The following NAF1 variants were observed in gnomAD, a reference collection of about 807,000 sequenced individuals.
The protein encoded by NAF1 is nuclear assembly factor 1 ribonucleoprotein.
A neutral mutation model predicts 40.6 loss-of-function variants in NAF1; 11 were observed. The observed-to-expected ratio is 0.27, with a 90% confidence interval of 0.17 to 0.45. The LOEUF (loss-of-function observed/expected upper bound fraction) is 0.45, where lower values mean the gene tolerates loss of function less well. Ranked by LOEUF, NAF1 falls within the 20% of genes least tolerant of loss-of-function variation. NAF1 has a pLI of 1.00. For synonymous variants in NAF1, 260 were observed against 228.5 expected, an observed-to-expected ratio of 1.14 and a Z score of -1.24; for missense variants, 607 against 611.1, an observed-to-expected ratio of 0.99 and a Z score of 0.07.
chr4:163,160,503 C>T (rs1331810787), intron 2 of NAF1, among the ~76,000 whole-genome samples: 1 of 152,182 alleles, frequency 6.6e-6, no homozygotes, highest in African/African-American at 2.4e-5. Context: ...ACCTAAAGAT[C>T]TGCATTGTAC....
At chr4:163,125,631 C>T (rs1210731646), downstream of NAF1, among the ~76,000 whole-genome samples, 1 of 152,146 alleles carries the variant, frequency 6.6e-6, no homozygotes, top group Non-Finnish European at 1.5e-5. Context: ...AGGAAAGAAG[C>T]CATCTCCATA....
At chr4:163,148,692 T>C (rs772698867) in intron 2 of NAF1, among the ~76,000 whole-genome samples, 26 of 152,198 alleles carry the variant, frequency 1.7e-4, no homozygotes, top group Non-Finnish European at 3.1e-4. Flanking sequence ...ACATAAGTAC[T>C]ATTCTACATT....
At chr4:163,110,780 A>C (rs1166171775) in intron 2 of NAF1, among the ~76,000 whole-genome samples, 2 of 152,108 alleles carry the variant, frequency 1.3e-5, no homozygotes, top group Non-Finnish European at 2.9e-5. Flanking sequence ...TTTAACTCAA[A>C]ATTGATGAGC....
At chr4:163,158,166 TTATC>T (rs1732068833) in intron 2 of NAF1, 1 of 152,010 alleles carries the variant, frequency 6.6e-6, no homozygotes, top group Admixed American at 6.6e-5. Context: ...TGGGATGAAA[TTATC>T]TAACCACTTT....
intron 6 of NAF1, among the ~76,000 whole-genome samples, chr4:163,134,864 C>T (rs777698847): frequency 1.1e-4 from 16 of 152,096 alleles, no homozygotes; most frequent in Non-Finnish European, 2.2e-4. Context: ...CCTTATTGTG[C>T]CATTTTAAAT....
Position 163,129,307 on chromosome 4 carries a change from T to G in NAF1, c.1075A>C (p.Ser359Arg). The change falls in exon 8 of 8, where the codon AGC (serine) becomes CGC (arginine). Residue 359 changes from serine (S) to arginine (R), a missense_variant. Physicochemically the swap from Ser to Arg is moderately radical, Grantham distance 110 (BLOSUM62 -1). Around this residue, in one of 3 missense-constraint regions of NAF1, gnomAD observed 189 missense variants for 216.6 expected, o/e 0.87. Transcript: ENST00000274054. Reference sequence around the variant, plus strand: ...CCTTTTGCATGCTCTGAAGCAGAGCTATGAGCATTCCAATTCTGATGTACT... The same window carrying G: ...CCTTTTGCATGCTCTGAAGCAGAGCGATGAGCATTCCAATTCTGATGTACT... The part of the protein sequence containing the change: ...TEVHQNWNAH[S>R]SASEHAKGYR... The G allele has an allele frequency of 6.2e-7, 1 of 1,613,782 alleles. No individual in the cohort carries two copies. The highest frequency in any genetic ancestry group is 1.6e-4 in the Middle Eastern group (1 of 6,062).
chr4:163,155,103 T>C (rs527286815), intron 2 of NAF1, among the ~76,000 whole-genome samples: 34 of 152,366 alleles, frequency 2.2e-4, no homozygotes, highest in South Asian at 1.9e-3. Flanking sequence ...ATTTTTGTTT[T>C]GATGTATGAA....
chr4:163,151,580 C>T (rs1356006011), intron 2 of NAF1, among the ~76,000 whole-genome samples: 4 of 152,060 alleles, frequency 2.6e-5, no homozygotes, highest in African/African-American at 9.7e-5. Context: ...AATCTCCATT[C>T]AATTTCACTG....
chr4:163,151,755 C>A (rs1391722108), intron 2 of NAF1, among the ~76,000 whole-genome samples: 1 of 151,994 alleles, frequency 6.6e-6, no homozygotes, highest in Non-Finnish European at 1.5e-5. Context: ...CACTTCAGAA[C>A]TATTTTGTCA....
At chr4:163,139,707 G>GT (rs1315230090) in intron 5 of NAF1, among the ~76,000 whole-genome samples, 3 of 151,934 alleles carry the variant, frequency 2.0e-5, no homozygotes, top group Admixed American at 1.3e-4. Context: ...TCCATACACC[G>GT]TAACTTTCTA....
chr4:163,133,419 A>G (rs1730945452), intron 6 of NAF1, 163 bp from the exon 7 acceptor site: 3 of 547,832 alleles, frequency 5.5e-6, no homozygotes, highest in Non-Finnish European at 9.6e-6. Context: ...GACATGGTAT[A>G]AAAATAAAGC....
Position 163,133,137 on chromosome 4 carries a change from A to G in NAF1, c.1033+17T>C, listed in dbSNP as rs1730932391. 1.9e-6 allele frequency: 3 copies of G among 1,571,622 alleles called. No homozygotes were observed. The East Asian group carries it at 6.7e-5, about 35-fold the overall frequency. On this transcript the variant is annotated intron_variant, in intron 7 of 7. Coordinates refer to ENST00000274054, the MANE Select transcript of NAF1 (RefSeq NM_138386.3). ...AAATGAAGATAAAGAACGAGTATAT[A>G]TATTGTATTCACTCACCAGGCTCAT...
At chr4:163,152,945 C>T (rs564030371) in intron 2 of NAF1, among the ~76,000 whole-genome samples, 1 of 152,326 alleles carries the variant, frequency 6.6e-6, no homozygotes, top group African/African-American at 2.4e-5. Flanking sequence ...TCAGAGCAGC[C>T]GGCCAGCCCT....
chr4:163,117,983 G>A (rs1159661893), intron 2 of NAF1, among the ~76,000 whole-genome samples: 2 of 151,790 alleles, frequency 1.3e-5, no homozygotes, highest in Non-Finnish European at 2.9e-5. Flanking sequence ...GAGGTGATAG[G>A]GTCCTCTCAA....
At chr4:163,127,187 T>C (rs1368274136), downstream of NAF1, 57 of 1,489,578 alleles carry the variant, frequency 3.8e-5, no homozygotes, top group South Asian at 5.4e-5. Flanking sequence ...TGGAGTGCAA[T>C]GGTGTGATCT....
chr4:163,107,058 C>G (rs1275956555), downstream of NAF1, among the ~76,000 whole-genome samples: 1 of 151,954 alleles, frequency 6.6e-6, no homozygotes, highest in African/African-American at 2.4e-5. Context: ...GCAATCTCGG[C>G]TCACTGCAAC....
chr4:163,126,992 A>T (rs776968730), downstream of NAF1: 11 of 1,551,034 alleles, frequency 7.1e-6, no homozygotes, highest in African/African-American at 1.4e-5. Flanking sequence ...TTGCATACTT[A>T]ATAAACTAAA....
chr4:163,129,343 C>A lies in NAF1; in HGVS notation c.1039G>T (p.Asp347Tyr), dbSNP rs1393343968. Residue 347 changes from aspartate (D) to tyrosine (Y), a missense_variant, in exon 8 of 8, where the codon GAT (aspartate) becomes TAT (tyrosine). By Grantham distance (160) the Asp-to-Tyr change is radical. Coordinates refer to ENST00000274054, the MANE Select transcript of NAF1 (RefSeq NM_138386.3). ...CAATTCTGATGTACTTCAGTAAAAT[C>A]TTCACCTTTGAGTGAGGGGAGGGAA... is the stretch of plus-strand genomic sequence containing the variant. ...LKSEFNEPGEDFTEVHQNWNA... is the reference protein window; with the variant it reads ...LKSEFNEPGEYFTEVHQNWNA... 1.1e-5 allele frequency: 18 copies of A among 1,602,808 alleles called. No individual in the cohort carries two copies. The highest frequency in any genetic ancestry group is 1.5e-5 in the Non-Finnish European group (18 of 1,170,436).
downstream of NAF1, among the ~76,000 whole-genome samples, chr4:163,109,388 T>C (rs1730103536): frequency 6.6e-6 from 1 of 152,126 alleles, no homozygotes; most frequent in Non-Finnish European, 1.5e-5. Context: ...AAACTAATAT[T>C]ATCTACCTAT....
Sources: allele counts gnomAD v4.1 joint callset (sites outside exome capture counted in the v4.1 genomes callset), GRCh38; gene constraint gnomAD v4.1.1; regional missense constraint gnomAD v4.1.1; transcripts MANE v1.5; gene names NCBI Gene and HGNC (gene_info 2026-07-23, HGNC 2026-07-21).